ACSM4: variants seen among roughly 807,000 people sequenced by gnomAD.
ACSM4 encodes the protein acyl-CoA synthetase medium chain family member 4.
Under a neutral mutation model 73.0 loss-of-function variants are expected in ACSM4, and 66 were observed. That is an observed-to-expected ratio of 0.90 (90% CI 0.74 to 1.11). The LOEUF (loss-of-function observed/expected upper bound fraction) is 1.11, where lower values mean the gene tolerates loss of function less well. ACSM4 is among the 50% of genes least tolerant of loss of function. The pLI is 0.00. For synonymous variants in ACSM4, 222 were observed against 254.0 expected, an observed-to-expected ratio of 0.87 and a Z score of 1.20; for missense variants, 645 against 714.4, an observed-to-expected ratio of 0.90 and a Z score of 1.11.
intron 7 of ACSM4, among the ~76,000 whole-genome samples, chr12:7,322,807 A>T (rs1261820296): frequency 3.9e-5 from 6 of 152,174 alleles, no homozygotes; most frequent in African/African-American, 1.4e-4. Flanking sequence ...TTCAGAACTG[A>T]GCAGCTCATC....
At chr12:7,309,469 T>C (rs1946378430) in intron 2 of ACSM4, among the ~76,000 whole-genome samples, 1 of 152,258 alleles carries the variant, frequency 6.6e-6, no homozygotes, top group African/African-American at 2.4e-5. Context: ...TCTACTGCAC[T>C]AATACAGTAT....
At chr12:7,319,149 T>C (rs944803235) in intron 5 of ACSM4, among the ~76,000 whole-genome samples, 3 of 152,148 alleles carry the variant, frequency 2.0e-5, no homozygotes, top group African/African-American at 4.8e-5. Flanking sequence ...TGATGGGAGA[T>C]AGTGACAGAT....
rs529136276 is a variant in ACSM4, at chr12:7,319,187, C to T, written c.921+1005C>T. 1.1e-3 allele frequency among the ~76,000 whole-genome samples: 160 copies of T among 152,252 alleles called. 1 individual carries two copies. The highest frequency in any genetic ancestry group is 2.1e-3 in the Non-Finnish European group (142 of 68,030). On this transcript the variant is annotated intron_variant, in intron 5 of 12. Transcript: ENST00000399422. ...TCAGGCATTAGATTCTCTTAAGGAG[C>T]ACACAACCTAGATCCCTCACATGCA...
intron 5 of ACSM4, among the ~76,000 whole-genome samples, chr12:7,319,767 A>C (rs1395211330): frequency 1.3e-5 from 2 of 152,152 alleles, no homozygotes; most frequent in South Asian, 4.1e-4. Context: ...TAACCTAAGA[A>C]CTGAGATCTC....
At chr12:7,309,563 T>A (rs1262441349) in intron 2 of ACSM4, among the ~76,000 whole-genome samples, 2 of 152,228 alleles carry the variant, frequency 1.3e-5, no homozygotes, top group Non-Finnish European at 2.9e-5. Flanking sequence ...TTAAAATTTT[T>A]AATATTATTT....
At position 7,326,954 on chromosome 12, in the gene ACSM4, TAA is replaced by T; in HGVS notation, c.1537-20_1537-19del. The T allele has an allele frequency of 6.3e-7, 1 of 1,578,210 alleles. No individual in the cohort carries two copies. The highest frequency in any genetic ancestry group is 8.6e-7 in the Non-Finnish European group (1 of 1,164,922). ...GTGTCTGAAAAACAAATGAGCAAGA[TAA>T]ATTAACTTTTCTGTTGCAGGTGGTG... On this transcript the variant is annotated intron_variant, in intron 11 of 12. Transcript: ENST00000399422.
Position 7,304,475 on chromosome 12 carries a change from G to A in ACSM4, c.144G>A (p.Leu48=), listed in dbSNP as rs1409834784. The A allele has an allele frequency of 1.9e-6, 3 of 1,613,854 alleles. No homozygotes were observed. The highest frequency in any genetic ancestry group is 2.7e-5 in the African/African-American group (2 of 74,932). Residue 48 remains leucine, a synonymous_variant, in exon 1 of 13, where the codon TTG becomes TTA. Transcript: ENST00000399422. ...CCATAAATCGCTGTAACAGGCCATTGCCTAAAAACTTTAACTTTGCTGCAG... is the reference window on the plus strand; with the variant it reads ...CCATAAATCGCTGTAACAGGCCATTACCTAAAAACTTTAACTTTGCTGCAG... The part of the protein sequence containing the change: ...FEAINRCNRP[L]PKNFNFAADV...
intron 5 of ACSM4, among the ~76,000 whole-genome samples, chr12:7,319,748 AATGTACACTAACCTAAGAACT>A (rs1946446024): frequency 6.6e-6 from 1 of 152,132 alleles, no homozygotes; most frequent in Non-Finnish European, 1.5e-5. Flanking sequence ...ACTTAACATA[AATGTACACTAACCTAAGAACT>A]GAGATCTCTA....
In ACSM4 at chr12:7,322,399, T is replaced by A. The variant is rs762849463; in HGVS notation, c.1002-19T>A. On this transcript the variant is annotated intron_variant, in intron 6 of 12. Transcript: ENST00000399422. ...CTCAGGTTCCTCTTGAAAAGACCCATGCAACTCTGTCTCTCCAGATATAAA... is the reference window on the plus strand; with the variant it reads ...CTCAGGTTCCTCTTGAAAAGACCCAAGCAACTCTGTCTCTCCAGATATAAA... 6.2e-7 allele frequency: 1 copy of A among 1,613,140 alleles called. No homozygotes were observed. The highest frequency in any genetic ancestry group is 1.1e-5 in the South Asian group (1 of 91,040).
chr12:7,306,835 G>GAA, intron 2 of ACSM4, 92 bp downstream of exon 2: 1 of 779,076 alleles, frequency 1.3e-6, no homozygotes, highest in South Asian at 3.3e-5. Context: ...TTAAAAGTAT[G>GAA]CATACAGAAG....
Position 7,327,016 on chromosome 12 carries a change from C to T in ACSM4, c.1577C>T (p.Ser526Phe). ...GTTGTCTTAGCTGCACCCTTTAAGT[C>T]CTACAACCCAGAGAAATTAACTCTT... Reference protein sequence around the residue: ...AFVVLAAPFKSYNPEKLTLEL... With the variant: ...AFVVLAAPFKFYNPEKLTLEL... Residue 526 changes from serine to phenylalanine, a missense_variant, in exon 12 of 13, where the codon TCC becomes TTC. Transcript: ENST00000399422. The T allele has an allele frequency of 3.1e-6, 5 of 1,612,632 alleles. No homozygotes were observed. The highest frequency in any genetic ancestry group is 4.2e-6 in the Non-Finnish European group (5 of 1,179,446).
chr12:7,324,608 T>A lies in ACSM4; in HGVS notation c.1536+10T>A. On this transcript the variant is annotated intron_variant, in intron 11 of 12. Transcript: ENST00000399422. ...TCAAATCCGCGGAGAGGTAGATGAATGTCATTTATTAAAGAAGCAACATCA... is the reference window on the plus strand; with the variant it reads ...TCAAATCCGCGGAGAGGTAGATGAAAGTCATTTATTAAAGAAGCAACATCA... 1 of 1,612,976 alleles carries A rather than the reference T, an allele frequency of 6.2e-7. No individual in the cohort carries two copies.
In ACSM4 at chr12:7,318,078, G is replaced by A; in HGVS notation, c.817G>A (p.Gly273Ser). 6.2e-7 allele frequency: 1 copy of A among 1,613,820 alleles called. No individual in the cohort carries two copies. The highest frequency in any genetic ancestry group is 2.2e-5 in the East Asian group (1 of 44,868). ...TATCATATGGAATATGTCTGACACG[G>A]GCTGGGTCAAGGCCGCCATTGGCAG... is the stretch of plus-strand genomic sequence containing the variant. ...SDIIWNMSDTGWVKAAIGSVF... is the reference protein window; with the variant it reads ...SDIIWNMSDTSWVKAAIGSVF... Residue 273 changes from glycine to serine, a missense_variant, in exon 5 of 13, where the codon GGC (glycine) becomes AGC (serine). Transcript: ENST00000399422.
intron 12 of ACSM4, 45 bp downstream of exon 12, chr12:7,327,140 G>C: frequency 1.3e-6 from 2 of 1,543,234 alleles, no homozygotes; most frequent in South Asian, 1.2e-5. Context: ...TACCAAACTA[G>C]GGTCTAAGCT....
Position 7,323,580 on chromosome 12 carries a change from T to C in ACSM4, c.1308+20T>C. 2 of 1,597,320 alleles carry C rather than the reference T, an allele frequency of 1.3e-6. No homozygotes were observed. Among genetic ancestry groups the C allele is most frequent in the Non-Finnish European group, 1.7e-6 (2 of 1,165,126 alleles). On this transcript the variant is annotated intron_variant, in intron 9 of 12. Coordinates refer to ENST00000399422, the MANE Select transcript of ACSM4 (RefSeq NM_001080454.2). ...TATGTGGTATGAGGATAGAAAGTGC[T>C]GGTCATGCTTAATACAGACTTGGGT...
At chr12:7,315,422 C>A (rs1946415258) in intron 3 of ACSM4, among the ~76,000 whole-genome samples, 1 of 151,722 alleles carries the variant, frequency 6.6e-6, no homozygotes, top group African/African-American at 2.4e-5. Context: ...ACCAGCCTCG[C>A]CAACATGGTA....
At chr12:7,326,189 G>A (rs1458530693) in intron 11 of ACSM4, among the ~76,000 whole-genome samples, 1 of 152,068 alleles carries the variant, frequency 6.6e-6, no homozygotes, top group Non-Finnish European at 1.5e-5. Context: ...TTCCTGAGAG[G>A]TTTTTGGCTT....
At chr12:7,320,925 G>T (rs1311701331) in intron 6 of ACSM4, 121 bp downstream of exon 6, 4 of 867,094 alleles carry the variant, frequency 4.6e-6, no homozygotes, top group Admixed American at 4.1e-5. Flanking sequence ...CTGACATTTT[G>T]AACCGAATAA....
intron 2 of ACSM4, among the ~76,000 whole-genome samples, chr12:7,308,097 A>G (rs1946371169): frequency 1.3e-5 from 2 of 152,186 alleles, no homozygotes; most frequent in Non-Finnish European, 2.9e-5. Context: ...AACTTGAAAT[A>G]CCACTAAAAT....
Sources: gnomAD v4.1 joint callset for allele counts (sites outside exome capture counted in the v4.1 genomes callset) on GRCh38, gnomAD v4.1.1 for gene constraint, MANE v1.5 for transcripts, NCBI Gene and HGNC (gene_info 2026-07-23, HGNC 2026-07-21) for gene names.